The following UBE2G1 variants were observed in gnomAD, a reference collection of about 807,000 sequenced individuals.
UBE2G1 encodes ubiquitin-conjugating enzyme E2 G1.
In UBE2G1, 5 loss-of-function variants were observed where a neutral mutation model predicts 22.7. That is an observed-to-expected ratio of 0.22 (90% CI 0.12 to 0.46). The LOEUF (loss-of-function observed/expected upper bound fraction) is 0.46. UBE2G1 is among the 20% of genes least tolerant of loss of function. The pLI is 0.99. For missense variants in UBE2G1, 88 were observed against 203.9 expected, an observed-to-expected ratio of 0.43 and a Z score of 3.46; for synonymous variants, 74 against 67.5, an observed-to-expected ratio of 1.10 and a Z score of -0.47.
chr17:4,335,255 T>A (rs548647092), intron 1 of UBE2G1: 1 of 152,272 alleles, frequency 6.6e-6, no homozygotes, highest in Non-Finnish European at 1.5e-5. Context: ...CCGAGTTATA[T>A]CCTGATGAAG....
intron 5 of UBE2G1, among the ~76,000 whole-genome samples, chr17:4,277,581 G>A (rs1231471102): frequency 6.6e-6 from 1 of 152,204 alleles, no homozygotes; most frequent in Non-Finnish European, 1.5e-5. Context: ...AACAAAATGT[G>A]AGATAAAGCC....
intron 1 of UBE2G1, among the ~76,000 whole-genome samples, chr17:4,343,787 A>AATTAAAC (rs757709304): frequency 3.2e-3 from 486 of 151,738 alleles, no homozygotes; most frequent in Non-Finnish European, 6.0e-3. Flanking sequence ...ACAGGGTTTC[A>AATTAAAC]CTTGTTTGCC....
In UBE2G1 at chr17:4,353,448, GAT is replaced by G. The variant is rs142740176; in HGVS notation, c.46+12821_46+12822del. ...CCCCATATATATATAGAGTTTCGTT[GAT>G]ATATATATATATACACACACACACA... is the stretch of plus-strand genomic sequence containing the variant. On this transcript the variant is annotated intron_variant, in intron 1 of 5. Coordinates refer to ENST00000396981, the MANE Select transcript of UBE2G1 (RefSeq NM_003342.5). Among the ~76,000 whole-genome samples the G allele has an allele frequency of 7.5e-3, 1,048 of 139,506 alleles. 8 individuals carry two copies. Among genetic ancestry groups the G allele is most frequent in the African/African-American group, 0.026 (923 of 35,888 alleles). The allele number at this position is 139,506 out of a possible 152,430, so 91.5% of individuals were successfully genotyped here. A position where few individuals can be genotyped will look rare whatever the true frequency, so the allele number is the denominator to read the frequency against.
chr17:4,269,907 A>G lies in UBE2G1; in HGVS notation c.*2647T>C, dbSNP rs185336764. The G allele has an allele frequency of 1.2e-3, 180 of 153,652 alleles. 3 individuals carry two copies. Among genetic ancestry groups the G allele is most frequent in the East Asian group, 3.7e-3 (19 of 5,188 alleles). 9.5% of individuals were successfully genotyped at this position (153,652 alleles called of 1,614,324 possible). On this transcript the variant is annotated 3_prime_UTR_variant, in exon 6 of 6. Transcript: ENST00000396981. ...ATGAGGCACTGGTGGGACAAAAGCC[A>G]CCTCGTTCAGTGTCACCTGAATGTG...
intron 3 of UBE2G1, among the ~76,000 whole-genome samples, chr17:4,296,356 G>T (rs962200410): frequency 2.0e-5 from 3 of 152,136 alleles, no homozygotes; most frequent in Non-Finnish European, 4.4e-5. Context: ...TGCACCTCCC[G>T]GGTTCAAGCG....
chr17:4,292,147 G>A (rs970269026), intron 3 of UBE2G1, among the ~76,000 whole-genome samples: 5 of 151,874 alleles, frequency 3.3e-5, no homozygotes, highest in African/African-American at 1.2e-4. Context: ...GGCCAACATG[G>A]TGAACCCATC....
chr17:4,363,788 T>A (rs1969996020), intron 1 of UBE2G1, among the ~76,000 whole-genome samples: 1 of 151,114 alleles, frequency 6.6e-6, no homozygotes, highest in Non-Finnish European at 1.5e-5. Context: ...CCGTCTCTAC[T>A]GAAAATACAA....
intron 1 of UBE2G1, among the ~76,000 whole-genome samples, chr17:4,327,836 T>C (rs1309084632): frequency 1.3e-5 from 2 of 152,116 alleles, no homozygotes; most frequent in African/African-American, 4.8e-5. Flanking sequence ...ATCACGTACT[T>C]AGGATTCCTC....
At position 4,289,231 on chromosome 17, in the gene UBE2G1, G is replaced by A. The variant is rs1488546307; in HGVS notation, c.425C>T (p.Ala142Val). Residue 142 changes from alanine to valine, a missense_variant and splice_region_variant, in exon 4 of 6, where the codon GCG (alanine) becomes GTG (valine). Physicochemically the swap from Ala to Val is moderately conservative, Grantham distance 64 (BLOSUM62 0). Coordinates refer to ENST00000396981, the MANE Select transcript of UBE2G1 (RefSeq NM_003342.5). ...AGGGAAGACGTGTGACCACCTTACCGCAGCATCAACATTAGCAGGTGAGTC... is the reference window on the plus strand; with the variant it reads ...AGGGAAGACGTGTGACCACCTTACCACAGCATCAACATTAGCAGGTGAGTC... ...NGDSPANVDA[A>V]KEWREDRNGE... The A allele has an allele frequency of 1.9e-6, 3 of 1,545,422 alleles. No homozygotes were observed. The highest frequency in any genetic ancestry group is 2.6e-6 in the Non-Finnish European group (3 of 1,144,918).
chr17:4,276,737 G>C (rs1968825981), intron 5 of UBE2G1, among the ~76,000 whole-genome samples: 1 of 152,198 alleles, frequency 6.6e-6, no homozygotes, highest in Non-Finnish European at 1.5e-5. Flanking sequence ...CTAGGAAACG[G>C]ATTCTGAGGC....
At chr17:4,321,303 T>C (rs1334269759) in intron 1 of UBE2G1, among the ~76,000 whole-genome samples, 2 of 151,938 alleles carry the variant, frequency 1.3e-5, no homozygotes, top group Non-Finnish European at 2.9e-5. Flanking sequence ...CCAGAAACAC[T>C]GTAGGCAACT....
At chr17:4,312,559 G>T (rs1347907611) in intron 1 of UBE2G1, among the ~76,000 whole-genome samples, 4 of 151,858 alleles carry the variant, frequency 2.6e-5, no homozygotes, top group Non-Finnish European at 5.9e-5. Context: ...AGCCGGGCGT[G>T]GTGGCGGGCA....
intron 1 of UBE2G1, among the ~76,000 whole-genome samples, chr17:4,354,793 T>C (rs928221728): frequency 1.3e-5 from 2 of 152,062 alleles, no homozygotes; most frequent in African/African-American, 2.4e-5. Context: ...TTTAATTTGC[T>C]GAGCATGGTG....
chr17:4,292,697 CTCAG>C (rs1219409346), intron 3 of UBE2G1, among the ~76,000 whole-genome samples: 2 of 152,232 alleles, frequency 1.3e-5, no homozygotes, highest in South Asian at 2.1e-4. Context: ...TGAACATTCT[CTCAG>C]TCACTTTCTA....
At chr17:4,356,341 A>G (rs1969906111) in intron 1 of UBE2G1, among the ~76,000 whole-genome samples, 1 of 151,974 alleles carries the variant, frequency 6.6e-6, no homozygotes, top group African/African-American at 2.4e-5. Flanking sequence ...CTGGGCGACA[A>G]GAGCGAAACT....
At chr17:4,364,866 G>A (rs1353492336) in intron 1 of UBE2G1, among the ~76,000 whole-genome samples, 1 of 152,260 alleles carries the variant, frequency 6.6e-6, no homozygotes, top group African/African-American at 2.4e-5. Context: ...ACAGGCGTGA[G>A]CCAGCGCGCC....
rs541277467 is a variant in UBE2G1, at chr17:4,366,527, G to T, written c.-211C>A. On this transcript the variant is annotated 5_prime_UTR_variant, in exon 1 of 6. Transcript: ENST00000396981. ...CTCTTTTCACAGCGACTCACGCCCG[G>T]AAGGGGAGGGTGCCCGGGCTGCCGC... is the stretch of plus-strand genomic sequence containing the variant. The T allele has an allele frequency of 2.5e-5, 11 of 435,550 alleles. No homozygotes were observed. The South Asian group carries it at 5.2e-4, about 21-fold the overall frequency. 27.0% of individuals were successfully genotyped at this position (435,550 alleles called of 1,614,324 possible). A position where few individuals can be genotyped will look rare whatever the true frequency, so the allele number is the denominator to read the frequency against.
At chr17:4,276,555 A>G (rs77159203) in intron 5 of UBE2G1, among the ~76,000 whole-genome samples, 2 of 152,186 alleles carry the variant, frequency 1.3e-5, no homozygotes, top group Non-Finnish European at 2.9e-5. Context: ...TAGTGTATCT[A>G]TCGCATTCTA....
intron 1 of UBE2G1, among the ~76,000 whole-genome samples, chr17:4,323,331 C>T (rs1161123433): frequency 6.6e-6 from 1 of 152,188 alleles, no homozygotes; most frequent in Non-Finnish European, 1.5e-5. Context: ...AAGGACTCAT[C>T]ACAACCTATG....
Sources: allele counts gnomAD v4.1 joint callset (sites outside exome capture counted in the v4.1 genomes callset), GRCh38; gene constraint gnomAD v4.1.1; transcripts MANE v1.5; gene names NCBI Gene and HGNC (gene_info 2026-07-23, HGNC 2026-07-21).